Variants in CACNA2D2 observed in about 807,000 individuals in gnomAD.
CACNA2D2 encodes voltage-dependent calcium channel subunit alpha-2/delta-2.
A neutral mutation model predicts 166.4 loss-of-function variants in CACNA2D2; 48 were observed. The ratio of observed to expected loss-of-function variants is 0.29; its 90% CI spans 0.23 to 0.37. The LOEUF is 0.37. Ranked by LOEUF, CACNA2D2 falls within the 10% of genes least tolerant of loss-of-function variation. The probability of loss-of-function intolerance (pLI) is 1.00; values close to 1 mark genes in which losing one functional copy is unlikely to be tolerated. For synonymous variants in CACNA2D2, 561 were observed against 573.7 expected (o/e 0.98, Z 0.32); for missense variants, 1,122 against 1,433.0 (o/e 0.78, Z 3.50).
At chr3:50,450,603 C>A (rs1333595610) in intron 2 of CACNA2D2, among the ~76,000 whole-genome samples, 1 of 152,180 alleles carries the variant, frequency 6.6e-6, no homozygotes, top group Non-Finnish European at 1.5e-5. Context: ...AAATTAGCAG[C>A]CGCCACAGCC....
At chr3:50,401,009 T>G (rs1393330427) in intron 3 of CACNA2D2, among the ~76,000 whole-genome samples, 1 of 152,218 alleles carries the variant, frequency 6.6e-6, no homozygotes, top group African/African-American at 2.4e-5. Flanking sequence ...CTACTCTTTT[T>G]GTATTAACCA....
intron 3 of CACNA2D2, among the ~76,000 whole-genome samples, chr3:50,399,155 C>T (rs902541097): frequency 3.9e-5 from 6 of 152,142 alleles, no homozygotes; most frequent in Non-Finnish European, 8.8e-5. Context: ...ATGGCCTGCT[C>T]CTCCCCACCC....
At position 50,364,404 on chromosome 3, in the gene CACNA2D2, T is replaced by TG. The variant is rs751791594; in HGVS notation, c.*261dup. 207 of 478,736 alleles carry TG rather than the reference T, an allele frequency of 4.3e-4. No individual in the cohort carries two copies. The highest frequency in any genetic ancestry group is 6.3e-4 in the Non-Finnish European group (173 of 274,254). 29.7% of individuals were successfully genotyped at this position (478,736 alleles called of 1,614,324 possible). A position where few individuals can be genotyped will look rare whatever the true frequency, so the allele number is the denominator to read the frequency against. ...GTGTGGCCTCCCTGTCCCATCCCACTGGGGGGAGCCCAGCAGGCAAGAAGG... is the reference window on the plus strand; with the variant it reads ...GTGTGGCCTCCCTGTCCCATCCCACTGGGGGGGAGCCCAGCAGGCAAGAAGG... On this transcript the variant is annotated 3_prime_UTR_variant, in exon 38 of 38. Coordinates refer to ENST00000424201, the MANE Select transcript of CACNA2D2 (RefSeq NM_006030.4).
chr3:50,384,897 G>T (rs1705512027), intron 5 of CACNA2D2, among the ~76,000 whole-genome samples: 1 of 152,342 alleles, frequency 6.6e-6, no homozygotes, highest in East Asian at 1.9e-4. Context: ...CTGAGCTGGG[G>T]AGGCTAACCT....
At chr3:50,434,453 G>T (rs1708217809) in intron 2 of CACNA2D2, 24 bp from the exon 3 acceptor site, 1 of 1,567,270 alleles carries the variant, frequency 6.4e-7, no homozygotes, top group Admixed American at 1.7e-5. Flanking sequence ...GAAGCCAGGG[G>T]TGAGACCAGG....
intron 3 of CACNA2D2, among the ~76,000 whole-genome samples, chr3:50,415,523 G>A (rs1694935499): frequency 6.6e-6 from 1 of 152,194 alleles, no homozygotes; most frequent in African/African-American, 2.4e-5. Context: ...AAAAAAAGTT[G>A]CTGATAAGCC....
chr3:50,426,023 G>A (rs1293643912), intron 3 of CACNA2D2, among the ~76,000 whole-genome samples: 16 of 152,168 alleles, frequency 1.1e-4, no homozygotes, highest in East Asian at 1.9e-4. Flanking sequence ...CCCTCCACCC[G>A]GCTTTCTCAC....
rs1275153351 is a variant in CACNA2D2 at position 50,367,834 on chromosome 3, A to C, written c.2212T>G (p.Trp738Gly). The stretch of plus-strand genomic sequence containing the variant: ...TACGTGTTGAGATCCTGGTCCCTCC[A>C]CACACGCTCTACCAGCTGCTGCGTG... The part of the protein sequence containing the change: ...GITQQLVERV[W>G]RDQDLNTYSL... Residue 738 changes from tryptophan to glycine, a missense_variant, in exon 25 of 38, where the codon TGG becomes GGG. Trp to Gly is a radical substitution (Grantham distance 184). This residue lies in a region of CACNA2D2 where 840 missense variants were observed against 1,166.8 expected (regional missense o/e 0.72). Coordinates refer to ENST00000424201, the MANE Select transcript of CACNA2D2 (RefSeq NM_006030.4). The surrounding 1 kb of genome is among the most constrained non-coding windows in gnomAD (Gnocchi z 6.5). 1 of 1,604,660 alleles carries C rather than the reference A, an allele frequency of 6.2e-7. No homozygotes were observed.
chr3:50,418,377 G>A (rs1016925132), intron 3 of CACNA2D2, among the ~76,000 whole-genome samples: 5 of 152,142 alleles, frequency 3.3e-5, no homozygotes, highest in African/African-American at 4.8e-5. Flanking sequence ...CCACTGCCCC[G>A]AACTCCAACC....
chr3:50,428,954 G>C (rs1173590234), intron 3 of CACNA2D2, among the ~76,000 whole-genome samples: 1 of 152,168 alleles, frequency 6.6e-6, no homozygotes, highest in East Asian at 1.9e-4. Flanking sequence ...TTTTGGCCAG[G>C]TGCCGTGGCT....
intron 2 of CACNA2D2, among the ~76,000 whole-genome samples, chr3:50,472,543 C>T (rs1386811535): frequency 1.3e-5 from 2 of 152,200 alleles, no homozygotes; most frequent in African/African-American, 4.8e-5. Context: ...GGTGTCTCTC[C>T]GAGGTCAGGA....
At position 50,374,793 on chromosome 3, in the gene CACNA2D2, G is replaced by A. The variant is rs1356816229; in HGVS notation, c.1928C>T (p.Pro643Leu). Residue 643 changes from proline (P) to leucine (L), a missense_variant, in exon 22 of 38, where the codon CCC (proline) becomes CTC (leucine). By Grantham distance (98) the Pro-to-Leu change is moderately conservative. Transcript: ENST00000424201. ...GGCTTGGAGGTAGAAGGTGCTGTAG[G>A]GTGGGAGCACCAGCCCCAGGCTGAG... ...TNYSLGLVLP[P>L]YSTFYLQANL... 18 of 1,595,272 alleles carry A rather than the reference G, an allele frequency of 1.1e-5. No homozygotes were observed. Among genetic ancestry groups the A allele is most frequent in the Non-Finnish European group, 1.4e-5 (16 of 1,171,866 alleles).
chr3:50,384,751 C>T (rs762977571), intron 5 of CACNA2D2, among the ~76,000 whole-genome samples: 6 of 152,182 alleles, frequency 3.9e-5, no homozygotes, highest in Non-Finnish European at 7.4e-5. Context: ...AGCAGTCCCT[C>T]CTAGGAGCTC....
chr3:50,381,981 TACACAC>T lies in CACNA2D2; in HGVS notation c.653-861_653-856del, dbSNP rs34662551. On this transcript the variant is annotated intron_variant, in intron 6 of 37. Coordinates refer to ENST00000424201, the MANE Select transcript of CACNA2D2 (RefSeq NM_006030.4). Reference sequence around the variant, plus strand: ...GTGATCCCCTGTCCAGATCTATCCCTACACACACACACACACACACACACACACACA... The same window carrying T: ...GTGATCCCCTGTCCAGATCTATCCCTACACACACACACACACACACACACA... 6.6e-3 allele frequency among the ~76,000 whole-genome samples: 886 copies of T among 133,428 alleles called. 15 individuals are homozygous for T. Among genetic ancestry groups the T allele is most frequent in the Admixed American group, 0.035 (478 of 13,562 alleles). The allele number at this position is 133,428 out of a possible 152,430, so 87.5% of individuals were successfully genotyped here.
chr3:50,369,382 T>A (rs748205370), intron 23 of CACNA2D2, among the ~76,000 whole-genome samples: 1 of 152,232 alleles, frequency 6.6e-6, no homozygotes, highest in Non-Finnish European at 1.5e-5. Context: ...GTGGGCCACA[T>A]AGGTCTTTTC....
At chr3:50,483,963 C>T (rs1037459904) in intron 1 of CACNA2D2, among the ~76,000 whole-genome samples, 1 of 152,202 alleles carries the variant, frequency 6.6e-6, no homozygotes, top group Non-Finnish European at 1.5e-5. Flanking sequence ...GTCACAAACA[C>T]CCGTCAGGCC....
intron 2 of CACNA2D2, among the ~76,000 whole-genome samples, chr3:50,457,646 C>T (rs1709418888): frequency 6.6e-6 from 1 of 152,174 alleles, no homozygotes; most frequent in Non-Finnish European, 1.5e-5. Context: ...CCCCAACAAC[C>T]CCACGTACCT....
intron 22 of CACNA2D2, among the ~76,000 whole-genome samples, chr3:50,372,830 C>T (rs915085259): frequency 2.2e-4 from 33 of 152,056 alleles, no homozygotes; most frequent in African/African-American, 7.7e-4. Context: ...GGGTTGTGGG[C>T]CCTGAGAACA....
chr3:50,384,247 C>T lies in CACNA2D2; in HGVS notation c.601G>A (p.Val201Ile), dbSNP rs866928902. The T allele has an allele frequency of 6.2e-7, 1 of 1,614,066 alleles. No individual in the cohort carries two copies. The highest frequency in any genetic ancestry group is 8.5e-7 in the Non-Finnish European group (1 of 1,180,024). The change falls in exon 6 of 38, where the codon GTC becomes ATC. Residue 201 changes from valine to isoleucine, a missense_variant. Val to Ile is a conservative substitution (Grantham distance 29). This residue lies in a region of CACNA2D2 where 840 missense variants were observed against 1,166.8 expected (regional missense o/e 0.72). Coordinates refer to ENST00000424201, the MANE Select transcript of CACNA2D2 (RefSeq NM_006030.4). ...FIEDPNFKNK[V>I]NYSYAAVQIP... is the part of the protein sequence containing the mutation. Reference sequence around the variant, plus strand: ...TGTACAGCCGCGTATGAATAGTTGACCTTGTTCTTGAAGTTTGGGTCCTCG... The same window carrying T: ...TGTACAGCCGCGTATGAATAGTTGATCTTGTTCTTGAAGTTTGGGTCCTCG...
Sources: gnomAD v4.1 joint callset for allele counts (sites outside exome capture counted in the v4.1 genomes callset) on GRCh38, gnomAD v4.1.1 for gene constraint, gnomAD v4.1.1 regional missense constraint, Gnocchi (gnomAD v3.1) non-coding constraint, MANE v1.5 for transcripts, NCBI Gene and HGNC (gene_info 2026-07-23, HGNC 2026-07-21) for gene names.